The following ZBTB25 variants were observed in gnomAD, a reference collection of about 807,000 sequenced individuals.
ZBTB25 encodes the protein zinc finger and BTB domain-containing protein 25.
In ZBTB25, 20 loss-of-function variants were observed where a neutral mutation model predicts 34.2. The ratio of observed to expected loss-of-function variants is 0.58; its 90% CI spans 0.41 to 0.85. ZBTB25 has a LOEUF of 0.85. Among genes scored for constraint, ZBTB25 ranks in the 40% least tolerant of loss-of-function variants. The pLI is 0.00. For synonymous variants in ZBTB25, 175 were observed against 186.4 expected, an observed-to-expected ratio of 0.94 and a Z score of 0.50; for missense variants, 437 against 521.8, an observed-to-expected ratio of 0.84 and a Z score of 1.58.
intron 2 of ZBTB25, chr14:64,463,131 C>A (rs2078571643): frequency 6.6e-6 from 1 of 151,792 alleles, no homozygotes; most frequent in Non-Finnish European, 1.5e-5. Context: ...GGGTAGTAGA[C>A]AATGATATGG....
At chr14:64,505,076 C>G (rs979798794), upstream of ZBTB25, 1 of 362,890 alleles carries the variant, frequency 2.8e-6, no homozygotes, top group African/African-American at 2.1e-5. Context: ...GCGCGGCGGA[C>G]GCGCTGCGAG....
At chr14:64,490,708 C>T (rs1251514828) in intron 1 of ZBTB25, among the ~76,000 whole-genome samples, 168 bp from the exon 2 acceptor site, 6 of 152,188 alleles carry the variant, frequency 3.9e-5, no homozygotes, top group Admixed American at 6.5e-5. Context: ...ACTGCAAACA[C>T]GGCTAACACT....
downstream of ZBTB25, chr14:64,473,672 T>C (rs905788795): frequency 3.0e-5 from 5 of 167,086 alleles, no homozygotes; most frequent in African/African-American, 1.2e-4. Flanking sequence ...ATCCCACTGT[T>C]TGAAAAGATC....
In ZBTB25 at chr14:64,486,180, T is replaced by TA. The variant is rs2078857437; in HGVS notation, c.*742dup. 1.4e-6 allele frequency: 1 copy of TA among 694,436 alleles called. No homozygotes were observed. The highest frequency in any genetic ancestry group is 6.3e-5 in the Admixed American group (1 of 15,794). The allele number at this position is 694,436 out of a possible 1,614,324, so 43.0% of individuals were successfully genotyped here. A position where few individuals can be genotyped will look rare whatever the true frequency, so the allele number is the denominator to read the frequency against. ...AGCTGGGCGTGGTGGCGGGCGCCTG[T>TA]AGTCCCAGCTGCTCAGGAGGCTGAG... On this transcript the variant is annotated 3_prime_UTR_variant, in exon 3 of 3. Transcript: ENST00000608382.
chr14:64,502,882 C>T lies in ZBTB25; in HGVS notation c.-8+779G>A, dbSNP rs141483094. The stretch of plus-strand genomic sequence containing the variant: ...CTCTCGGCTCTAAAATTTAAGATTC[C>T]AAAGTGTACTTTACATACATGACAG... On this transcript the variant is annotated intron_variant, in intron 1 of 2. Coordinates refer to ENST00000608382, the MANE Select transcript of ZBTB25 (RefSeq NM_006977.5). The T allele has an allele frequency of 1.3e-5, 13 of 985,140 alleles. No individual in the cohort carries two copies. In the East Asian group the frequency reaches 5.7e-4, roughly 43 times the overall value. The allele number at this position is 985,140 out of a possible 1,614,324, so 61.0% of individuals were successfully genotyped here.
chr14:64,453,486 G>A (rs542295727), intron 2 of ZBTB25, among the ~76,000 whole-genome samples: 54 of 152,228 alleles, frequency 3.5e-4, no homozygotes, highest in Admixed American at 1.6e-3. Context: ...CAGGAGAATC[G>A]CTTGAACCTG....
At chr14:64,503,494 T>A in intron 1 of ZBTB25, 167 bp downstream of exon 1, 1 of 985,398 alleles carries the variant, frequency 1.0e-6, no homozygotes, top group Non-Finnish European at 1.2e-6. Flanking sequence ...GGATGTATTT[T>A]CCTCCTGTGC....
intron 2 of ZBTB25, 57 bp from the exon 3 acceptor site, chr14:64,488,114 A>G (rs1263666828): frequency 6.4e-6 from 10 of 1,570,574 alleles, no homozygotes; most frequent in Non-Finnish European, 7.7e-6. Flanking sequence ...CTGGCCTTTC[A>G]GTTAACAGTA....
Position 64,487,863 on chromosome 14 carries a change from A to G in ZBTB25, c.368T>C (p.Val123Ala), listed in dbSNP as rs373003830. 1.4e-5 allele frequency: 22 copies of G among 1,614,202 alleles called. No individual in the cohort carries two copies. The African/African-American group carries it at 2.5e-4, about 19-fold the overall frequency. ...AATGCCATATAAATTTGAGGACTGCACAGTCTCTGGTGAGAACACTTGATT... is the reference window on the plus strand; with the variant it reads ...AATGCCATATAAATTTGAGGACTGCGCAGTCTCTGGTGAGAACACTTGATT... ...EMNQVFSPET[V>A]QSSNLYGIQI... Residue 123 changes from valine (V) to alanine (A), a missense_variant, in exon 3 of 3, where the codon GTG (valine) becomes GCG (alanine). Transcript: ENST00000608382.
chr14:64,496,781 T>G (rs1192207417), intron 1 of ZBTB25, among the ~76,000 whole-genome samples: 1 of 152,222 alleles, frequency 6.6e-6, no homozygotes, highest in East Asian at 1.9e-4. Flanking sequence ...TCAAGTATAT[T>G]GAGAATCTGT....
downstream of ZBTB25, among the ~76,000 whole-genome samples, chr14:64,476,214 C>A (rs2078717718): frequency 6.6e-6 from 1 of 152,218 alleles, no homozygotes; most frequent in Non-Finnish European, 1.5e-5. Context: ...GCATGTGCTG[C>A]TAATCAAATA....
chr14:64,464,399 A>T (rs1012696508), intron 2 of ZBTB25, among the ~76,000 whole-genome samples: 1 of 152,146 alleles, frequency 6.6e-6, no homozygotes, highest in Non-Finnish European at 1.5e-5. Context: ...TGCCTCTTTT[A>T]TCTGTAATTT....
Position 64,503,717 on chromosome 14 carries a change from AG to A in ZBTB25, c.-65del. ...TCCGTGCAGGAGGGGCGGGCTCCCA[AG>A]CCGCGCACTGCAAGCAGTGGCGCCG... On this transcript the variant is annotated 5_prime_UTR_variant, in exon 1 of 3. Coordinates refer to ENST00000608382, the MANE Select transcript of ZBTB25 (RefSeq NM_006977.5). The A allele has an allele frequency of 1.6e-6, 1 of 614,142 alleles. No homozygotes were observed. Among genetic ancestry groups the A allele is most frequent in the Non-Finnish European group, 2.0e-6 (1 of 490,652 alleles). 38.0% of individuals were successfully genotyped at this position (614,142 alleles called of 1,614,324 possible).
At chr14:64,504,828 G>C (rs1029323889), upstream of ZBTB25, 5 of 392,980 alleles carry the variant, frequency 1.3e-5, no homozygotes, top group Non-Finnish European at 2.2e-5. Context: ...CCCGAGCGCC[G>C]AGCGCCGCGC....
At chr14:64,459,816 C>T (rs2078533320) in intron 2 of ZBTB25, 6 of 1,535,920 alleles carry the variant, frequency 3.9e-6, no homozygotes, top group Non-Finnish European at 5.2e-6. Flanking sequence ...TATTCAGGCC[C>T]ACTGGGAGTT....
chr14:64,501,985 T>C (rs2079513191), intron 1 of ZBTB25, among the ~76,000 whole-genome samples: 1 of 152,190 alleles, frequency 6.6e-6, no homozygotes, highest in African/African-American at 2.4e-5. Context: ...CAGCACTGAT[T>C]GGACTTGAGA....
chr14:64,485,887 G>T lies in ZBTB25; in HGVS notation c.*1036C>A. The T allele has an allele frequency of 4.1e-6, 4 of 985,316 alleles. No individual in the cohort carries two copies. The highest frequency in any genetic ancestry group is 4.8e-6 in the Non-Finnish European group (4 of 829,908). The allele number at this position is 985,316 out of a possible 1,614,324, so 61.0% of individuals were successfully genotyped here. ...TCTAGACCAAGTTAACAACCCTGGGGTTTTTAGTCAATGCAGTTCTAGCTC... is the reference window on the plus strand; with the variant it reads ...TCTAGACCAAGTTAACAACCCTGGGTTTTTTAGTCAATGCAGTTCTAGCTC... On this transcript the variant is annotated 3_prime_UTR_variant, in exon 3 of 3. Transcript: ENST00000608382.
At chr14:64,500,546 C>A (rs1167396282) in intron 1 of ZBTB25, among the ~76,000 whole-genome samples, 1 of 149,438 alleles carries the variant, frequency 6.7e-6, no homozygotes, top group South Asian at 2.1e-4. Context: ...GCCTATAATC[C>A]CAGCACTTTA....
At chr14:64,466,052 A>C (rs1410494888) in intron 2 of ZBTB25, among the ~76,000 whole-genome samples, 1 of 152,154 alleles carries the variant, frequency 6.6e-6, no homozygotes, top group Non-Finnish European at 1.5e-5. Context: ...TCCTTCCTCC[A>C]GGAGGAAGCT....
Sources: gnomAD v4.1 joint callset for allele counts (sites outside exome capture counted in the v4.1 genomes callset) on GRCh38, gnomAD v4.1.1 for gene constraint, MANE v1.5 for transcripts, NCBI Gene and HGNC (gene_info 2026-07-23, HGNC 2026-07-21) for gene names.